NTF3: variants seen among roughly 807,000 people sequenced by gnomAD.
NTF3 encodes neurotrophin-3.
A neutral mutation model predicts 26.3 loss-of-function variants in NTF3; 8 were observed. The ratio of observed to expected loss-of-function variants is 0.30; its 90% CI spans 0.18 to 0.55. NTF3 has a LOEUF of 0.55. Among genes scored for constraint, NTF3 ranks in the 20% least tolerant of loss-of-function variants. The pLI is 0.93. For synonymous variants in NTF3, 154 were observed against 145.5 expected, an observed-to-expected ratio of 1.06 and a Z score of -0.42; for missense variants, 276 against 352.9, an observed-to-expected ratio of 0.78 and a Z score of 1.75.
At chr12:5,482,290 G>A (rs902025055) in intron 1 of NTF3, among the ~76,000 whole-genome samples, 1 of 152,192 alleles carries the variant, frequency 6.6e-6, no homozygotes, top group Non-Finnish European at 1.5e-5. Flanking sequence ...CACCCCTCTT[G>A]GGACAAGGTA....
At chr12:5,431,623 G>A (rs1469814034), upstream of NTF3, among the ~76,000 whole-genome samples, 1 of 152,086 alleles carries the variant, frequency 6.6e-6, no homozygotes, top group African/African-American at 2.4e-5. Context: ...AGGTTTGGAG[G>A]AGGAGTTTAC....
chr12:5,432,501 C>T (rs1265774966), intron 1 of NTF3, 159 bp downstream of exon 1: 1 of 371,168 alleles, frequency 2.7e-6, no homozygotes. Flanking sequence ...TTGTGTCTTC[C>T]CCAAAGTTTG....
At chr12:5,455,842 G>A (rs1212849499) in intron 1 of NTF3, among the ~76,000 whole-genome samples, 1 of 152,200 alleles carries the variant, frequency 6.6e-6, no homozygotes, top group African/African-American at 2.4e-5. Flanking sequence ...GCCTTTCATG[G>A]ATGGTGAGGG....
At chr12:5,482,705 C>T (rs1940821835) in intron 1 of NTF3, among the ~76,000 whole-genome samples, 1 of 151,740 alleles carries the variant, frequency 6.6e-6, no homozygotes, top group African/African-American at 2.4e-5. Context: ...TGTCTCTCTC[C>T]TCCTCCCCAC....
chr12:5,488,312 G>C (rs560201006), intron 1 of NTF3, among the ~76,000 whole-genome samples: 2 of 152,326 alleles, frequency 1.3e-5, no homozygotes, highest in African/African-American at 4.8e-5. Flanking sequence ...TAATTGGTCT[G>C]TCCTCACTGG....
intron 1 of NTF3, among the ~76,000 whole-genome samples, chr12:5,443,378 T>C (rs1326991732): frequency 6.6e-6 from 1 of 152,136 alleles, no homozygotes; most frequent in African/African-American, 2.4e-5. Flanking sequence ...GCAGGAAGGA[T>C]ACCTGGATGC....
intron 1 of NTF3, among the ~76,000 whole-genome samples, chr12:5,478,532 C>T (rs980368943): frequency 3.3e-5 from 5 of 152,254 alleles, no homozygotes; most frequent in Admixed American, 6.5e-5. Context: ...TCACTCATGG[C>T]TCATACGGGC....
intron 1 of NTF3, among the ~76,000 whole-genome samples, chr12:5,445,441 T>C (rs952736769): frequency 2.0e-5 from 3 of 152,042 alleles, no homozygotes; most frequent in African/African-American, 4.8e-5. Context: ...TTGCTTAGCA[T>C]GTATAAGGAA....
rs1940984053 is a variant in NTF3 at position 5,494,604 on chromosome 12, G to A, written c.429G>A (p.Ala143=). ...ATTACGTGGGCAGCCCCGTGGTGGC[G>A]AACAGAACATCACGGCGGAAACGGT... ...MEDYVGSPVV[A]NRTSRRKRYA... is the part of the protein sequence containing the mutation. Residue 143 remains alanine, a synonymous_variant, in exon 2 of 2, where the codon GCG becomes GCA. Coordinates refer to ENST00000423158, the MANE Select transcript of NTF3 (RefSeq NM_001102654.2). This position sits in a 1 kb window ranked among gnomAD's most constrained non-coding sequence, Gnocchi z 8.3. 1.2e-6 allele frequency: 2 copies of A among 1,614,088 alleles called. No homozygotes were observed. The highest frequency in any genetic ancestry group is 1.7e-6 in the Non-Finnish European group (2 of 1,180,032).
chr12:5,481,408 ACAC>A (rs1332842871), intron 1 of NTF3, among the ~76,000 whole-genome samples: 1 of 17,618 alleles, frequency 5.7e-5, no homozygotes. Context: ...CAGAATAACA[ACAC>A]CACACCTACA....
intron 1 of NTF3, among the ~76,000 whole-genome samples, chr12:5,448,621 G>C (rs1940334927): frequency 6.6e-6 from 1 of 152,120 alleles, no homozygotes; most frequent in African/African-American, 2.4e-5. Flanking sequence ...TGGGAGTAGG[G>C]CTGGAAGGAC....
chr12:5,441,634 T>C (rs1430453171), intron 1 of NTF3, among the ~76,000 whole-genome samples: 3 of 152,236 alleles, frequency 2.0e-5, no homozygotes, highest in Non-Finnish European at 4.4e-5. Context: ...TTCATTTTTG[T>C]GTCCCCCACC....
chr12:5,444,614 A>C (rs1429377115), intron 1 of NTF3, among the ~76,000 whole-genome samples: 1 of 152,206 alleles, frequency 6.6e-6, no homozygotes, highest in Non-Finnish European at 1.5e-5. Context: ...AGAACATCCC[A>C]TATATCCCAT....
At chr12:5,454,053 G>A (rs1030513413) in intron 1 of NTF3, among the ~76,000 whole-genome samples, 10 of 152,156 alleles carry the variant, frequency 6.6e-5, no homozygotes, top group Admixed American at 3.9e-4. Context: ...TGGGGCTGCC[G>A]TAACAAAGCA....
chr12:5,472,640 G>T (rs143159514), intron 1 of NTF3, among the ~76,000 whole-genome samples: 1 of 152,256 alleles, frequency 6.6e-6, no homozygotes, highest in African/African-American at 2.4e-5. Context: ...TCACAATGCC[G>T]GGTGACAAGG....
chr12:5,450,887 G>A (rs1565386652), intron 1 of NTF3, among the ~76,000 whole-genome samples: 1 of 152,106 alleles, frequency 6.6e-6, no homozygotes, highest in African/African-American at 2.4e-5. Flanking sequence ...TCCAGCACCT[G>A]GACTACTGCA....
At chr12:5,466,253 C>T (rs915391139) in intron 1 of NTF3, among the ~76,000 whole-genome samples, 5 of 152,170 alleles carry the variant, frequency 3.3e-5, no homozygotes, top group African/African-American at 7.2e-5. Context: ...TCTTCCTAAA[C>T]GGCTAACCCA....
chr12:5,438,303 T>C (rs1940197845), intron 1 of NTF3, among the ~76,000 whole-genome samples: 1 of 152,212 alleles, frequency 6.6e-6, no homozygotes, highest in South Asian at 2.1e-4. Flanking sequence ...ACTGAGAGGC[T>C]AGAGGTTGCA....
intron 1 of NTF3, among the ~76,000 whole-genome samples, chr12:5,468,395 C>G (rs1298737426): frequency 1.3e-5 from 2 of 152,068 alleles, no homozygotes; most frequent in African/African-American, 2.4e-5. Flanking sequence ...GAACAGCTAT[C>G]TAATTCTGGG....
Sources: gnomAD v4.1 joint callset for allele counts (sites outside exome capture counted in the v4.1 genomes callset) on GRCh38, gnomAD v4.1.1 for gene constraint, Gnocchi (gnomAD v3.1) non-coding constraint, MANE v1.5 for transcripts, NCBI Gene and HGNC (gene_info 2026-07-23, HGNC 2026-07-21) for gene names.